The following CTNNA3 variants were observed in gnomAD, a reference collection of about 807,000 sequenced individuals.
CTNNA3 encodes the protein catenin alpha 3.
In CTNNA3, 76 loss-of-function variants were observed where a neutral mutation model predicts 95.7. That is an observed-to-expected ratio of 0.79 (90% CI 0.66 to 0.96). The LOEUF (loss-of-function observed/expected upper bound fraction) is 0.96. CTNNA3 is among the 40% of genes least tolerant of loss of function. The pLI is 0.00. For synonymous variants in CTNNA3, 431 were observed against 374.4 expected (o/e 1.15, Z -1.74); for missense variants, 1,191 against 1,089.8 (o/e 1.09, Z -1.31).
In CTNNA3 at chr10:66,954,093, A is replaced by T. The variant is rs546636467; in HGVS notation, c.1048-178569T>A. On this transcript the variant is annotated intron_variant, in intron 7 of 17. Transcript: ENST00000433211. ...TCCTAACTTAAAATGCTGGTCAAAA[A>T]TAAAATTTATGCCTCTACTAGTCAG... Among the ~76,000 whole-genome samples, 218 of 152,346 alleles carry T rather than the reference A, an allele frequency of 1.4e-3. 1 individual carries two copies. The highest frequency in any genetic ancestry group is 4.8e-3 in the African/African-American group (199 of 41,602).
chr10:66,734,407 T>C (rs1214219080), intron 9 of CTNNA3, among the ~76,000 whole-genome samples: 1 of 152,112 alleles, frequency 6.6e-6, no homozygotes, highest in Non-Finnish European at 1.5e-5. Context: ...GTTAATATAA[T>C]ATTGATATTT....
intron 5 of CTNNA3, among the ~76,000 whole-genome samples, chr10:67,517,241 A>G (rs1839844602): frequency 6.6e-6 from 1 of 152,108 alleles, no homozygotes; most frequent in South Asian, 2.1e-4. Context: ...CCTTTTCTTC[A>G]CATCATCACT....
Position 66,379,224 on chromosome 10 carries a change from C to T in CTNNA3, c.1660G>A (p.Glu554Lys). ...GCCCCTGGCTCGTAACTGTCCATTTCACCCGTGACGATGTGAGCAACTCTT... is the reference window on the plus strand; with the variant it reads ...GCCCCTGGCTCGTAACTGTCCATTTTACCCGTGACGATGTGAGCAACTCTT... ...AARVAHIVTG[E>K]MDSYEPGAYT... Residue 554 changes from glutamate (E) to lysine (K), a missense_variant, in exon 12 of 18, where the codon GAA becomes AAA. By Grantham distance (56) the Glu-to-Lys change is moderately conservative. Transcript: ENST00000433211. The T allele has an allele frequency of 6.2e-7, 1 of 1,614,110 alleles. No homozygotes were observed. The highest frequency in any genetic ancestry group is 1.1e-5 in the South Asian group (1 of 91,084).
intron 17 of CTNNA3, 100 bp downstream of exon 17, chr10:65,966,512 C>T (rs565648756): frequency 5.7e-6 from 6 of 1,046,702 alleles, no homozygotes; most frequent in Middle Eastern, 4.5e-4. Context: ...TTTTTCTAAA[C>T]TAATTTTACC....
intron 7 of CTNNA3, among the ~76,000 whole-genome samples, chr10:67,104,846 TA>T (rs1252726758): frequency 6.6e-6 from 1 of 152,066 alleles, no homozygotes; most frequent in East Asian, 1.9e-4. Context: ...AACTAGGCTA[TA>T]AATTTAAAAC....
At chr10:66,745,146 A>G (rs562715030) in intron 9 of CTNNA3, among the ~76,000 whole-genome samples, 3 of 152,300 alleles carry the variant, frequency 2.0e-5, no homozygotes, top group South Asian at 2.1e-4. Flanking sequence ...TTTTCAGTCA[A>G]ACAAGGTCTG....
chr10:67,312,569 C>T (rs930662297), intron 5 of CTNNA3, among the ~76,000 whole-genome samples: 3 of 152,078 alleles, frequency 2.0e-5, no homozygotes, highest in Admixed American at 1.3e-4. Context: ...TAGTCAATCT[C>T]GCTGGAAATA....
At chr10:66,789,456 T>G (rs1004805928) in intron 7 of CTNNA3, among the ~76,000 whole-genome samples, 2 of 152,140 alleles carry the variant, frequency 1.3e-5, no homozygotes, top group Non-Finnish European at 2.9e-5. Context: ...ATTACAGGTG[T>G]GAGCCACTGT....
At chr10:67,379,894 G>T (rs565010101) in intron 5 of CTNNA3, among the ~76,000 whole-genome samples, 19 of 150,804 alleles carry the variant, frequency 1.3e-4, no homozygotes, top group Non-Finnish European at 2.4e-4. Flanking sequence ...AGTGGCGGGC[G>T]CCTGTAGTCC....
chr10:67,269,292 G>C (rs1045124701), intron 5 of CTNNA3, among the ~76,000 whole-genome samples: 4 of 152,104 alleles, frequency 2.6e-5, no homozygotes, highest in African/African-American at 9.6e-5. Flanking sequence ...AAATGTATAT[G>C]AGAAGGATTA....
intron 5 of CTNNA3, among the ~76,000 whole-genome samples, chr10:67,233,229 C>T (rs1321531491): frequency 1.3e-5 from 2 of 152,096 alleles, no homozygotes; most frequent in African/African-American, 4.8e-5. Context: ...CACCACACCA[C>T]ACCTATTCCA....
intron 5 of CTNNA3, among the ~76,000 whole-genome samples, chr10:67,307,114 T>G (rs1357135473): frequency 1.3e-5 from 2 of 152,232 alleles, no homozygotes; most frequent in African/African-American, 4.8e-5. Context: ...AACAGACACA[T>G]GGCTGTTAAC....
chr10:66,688,693 C>T (rs6480204), intron 9 of CTNNA3, among the ~76,000 whole-genome samples: 27,050 of 151,894 alleles, frequency 0.18, 3,047 homozygotes, highest in East Asian at 0.34. Flanking sequence ...AGAGACCGGC[C>T]GGGCGCGGTG....
chr10:66,328,933 T>TAC lies in CTNNA3; in HGVS notation c.1733-48314_1733-48313dup, dbSNP rs767852399. On this transcript the variant is annotated intron_variant, in intron 12 of 17. Transcript: ENST00000433211. ...ATACATATATATATATATATATATATACACACACACATATAAATATAATTT... is the reference window on the plus strand; with the variant it reads ...ATACATATATATATATATATATATATACACACACACACATATAAATATAATTT... Among the ~76,000 whole-genome samples, 419 of 115,282 alleles carry TAC rather than the reference T, an allele frequency of 3.6e-3. 21 individuals carry two copies. Among genetic ancestry groups the TAC allele is most frequent in the East Asian group, 0.021 (72 of 3,436 alleles). 75.6% of individuals were successfully genotyped at this position (115,282 alleles called of 152,430 possible).
chr10:66,956,051 T>C (rs1848775722), intron 7 of CTNNA3, among the ~76,000 whole-genome samples: 1 of 152,118 alleles, frequency 6.6e-6, no homozygotes, highest in African/African-American at 2.4e-5. Flanking sequence ...ATTAAGACCC[T>C]AGAGCTATGG....
intron 5 of CTNNA3, among the ~76,000 whole-genome samples, chr10:67,482,060 G>C (rs1848254002): frequency 6.6e-6 from 1 of 152,056 alleles, no homozygotes; most frequent in Admixed American, 6.5e-5. Flanking sequence ...GATAGTTGTA[G>C]ATATACGGCT....
intron 7 of CTNNA3, among the ~76,000 whole-genome samples, chr10:67,141,858 T>C (rs1860583030): frequency 6.6e-6 from 1 of 152,132 alleles, no homozygotes; most frequent in African/African-American, 2.4e-5. Context: ...GGTGTTTTTT[T>C]TTCTTATTTA....
At chr10:67,048,440 T>A (rs745371276) in intron 7 of CTNNA3, among the ~76,000 whole-genome samples, 4 of 152,084 alleles carry the variant, frequency 2.6e-5, no homozygotes, top group Non-Finnish European at 2.9e-5. Flanking sequence ...TAAAGAATGA[T>A]GATTTTCATT....
intron 7 of CTNNA3, among the ~76,000 whole-genome samples, chr10:66,885,655 G>A (rs1845015211): frequency 6.6e-6 from 1 of 152,036 alleles, no homozygotes; most frequent in South Asian, 2.1e-4. Flanking sequence ...CCAGCTGGGT[G>A]GCAAGTCTCT....
Sources: gnomAD v4.1 joint callset for allele counts (sites outside exome capture counted in the v4.1 genomes callset) on GRCh38, gnomAD v4.1.1 for gene constraint, MANE v1.5 for transcripts, NCBI Gene and HGNC (gene_info 2026-07-23, HGNC 2026-07-21) for gene names.